The following GCH1 variants were observed in gnomAD, a reference collection of about 807,000 sequenced individuals.
The protein encoded by GCH1 is GTP cyclohydrolase I.
GCH1 carries 5 observed loss-of-function variants against 25.9 expected under a neutral mutation model. The ratio of observed to expected loss-of-function variants is 0.19; its 90% CI spans 0.10 to 0.41. The LOEUF is 0.41. GCH1 is among the 10% of genes least tolerant of loss of function. GCH1 has a pLI of 1.00. For missense variants in GCH1, 261 were observed against 336.5 expected, an observed-to-expected ratio of 0.78 and a Z score of 1.75; for synonymous variants, 159 against 129.6, an observed-to-expected ratio of 1.23 and a Z score of -1.54.
intron 1 of GCH1, among the ~76,000 whole-genome samples, chr14:54,865,648 A>C (rs1419979463): frequency 6.6e-6 from 1 of 152,222 alleles, no homozygotes; most frequent in Non-Finnish European, 1.5e-5. Flanking sequence ...GTGTTACATG[A>C]AAAATGCAGG....
In GCH1 at chr14:54,843,282, A is replaced by C; in HGVS notation, c.*735T>G. The C allele has an allele frequency of 7.3e-7, 1 of 1,375,590 alleles. No individual in the cohort carries two copies. The highest frequency in any genetic ancestry group is 9.3e-7 in the Non-Finnish European group (1 of 1,071,418). The allele number at this position is 1,375,590 out of a possible 1,614,324, so 85.2% of individuals were successfully genotyped here. A position where few individuals can be genotyped will look rare whatever the true frequency, so the allele number is the denominator to read the frequency against. ...AAAAAGGCAAAAGTATCTACACTCT[A>C]AATGATATTCTTATCAAGGCACAGA... On this transcript the variant is annotated 3_prime_UTR_variant, in exon 6 of 6. Coordinates refer to ENST00000491895, the MANE Select transcript of GCH1 (RefSeq NM_000161.3).
intron 1 of GCH1, among the ~76,000 whole-genome samples, chr14:54,886,805 G>A (rs1382861357): frequency 6.6e-6 from 1 of 152,186 alleles, no homozygotes; most frequent in Non-Finnish European, 1.5e-5. Flanking sequence ...TACTAGAAGT[G>A]TGGACTGAAG....
intron 1 of GCH1, among the ~76,000 whole-genome samples, chr14:54,892,995 C>T (rs1261853808): frequency 1.3e-5 from 2 of 152,310 alleles, no homozygotes; most frequent in East Asian, 3.9e-4. Flanking sequence ...AGGGTAATTG[C>T]TTGAACCTGG....
intron 1 of GCH1, among the ~76,000 whole-genome samples, chr14:54,899,173 T>C (rs1373976283): frequency 6.6e-6 from 1 of 152,100 alleles, no homozygotes; most frequent in East Asian, 1.9e-4. Flanking sequence ...ATAATAATCT[T>C]AAATGGGCTG....
At chr14:54,898,819 C>T (rs1216402035) in intron 1 of GCH1, among the ~76,000 whole-genome samples, 2 of 152,170 alleles carry the variant, frequency 1.3e-5, no homozygotes, top group Non-Finnish European at 2.9e-5. Flanking sequence ...GGGGTTTCAA[C>T]ATGTTGGCCA....
At chr14:54,899,552 C>G (rs61977039) in intron 1 of GCH1, among the ~76,000 whole-genome samples, 1 of 152,154 alleles carries the variant, frequency 6.6e-6, no homozygotes, top group Non-Finnish European at 1.5e-5. Flanking sequence ...GTTGCCCAGG[C>G]TGTTCTCCTG....
intron 1 of GCH1, among the ~76,000 whole-genome samples, chr14:54,897,004 CTTTTTGTTT>C (rs1002280711): frequency 3.4e-5 from 4 of 115,948 alleles, no homozygotes; most frequent in Admixed American, 9.5e-5. Flanking sequence ...TTCTACTCCA[CTTTTTGTTT>C]TTTTTTTTTT....
chr14:54,868,454 A>G (rs10137881), intron 1 of GCH1, among the ~76,000 whole-genome samples: 6,339 of 152,148 alleles, frequency 0.042, 495 homozygotes, highest in African/African-American at 0.15. Flanking sequence ...AAAAAAATTA[A>G]GGCATCAAAG....
intron 3 of GCH1, among the ~76,000 whole-genome samples, chr14:54,851,036 A>C (rs947581695): frequency 6.6e-6 from 1 of 152,204 alleles, no homozygotes; most frequent in African/African-American, 2.4e-5. Context: ...CAAAACAGAG[A>C]TATAGACCAA....
At chr14:54,871,745 C>T (rs2040082390) in intron 1 of GCH1, among the ~76,000 whole-genome samples, 1 of 152,064 alleles carries the variant, frequency 6.6e-6, no homozygotes, top group Non-Finnish European at 1.5e-5. Flanking sequence ...GAAAGGGTAT[C>T]AGTGATGGAA....
intron 3 of GCH1, among the ~76,000 whole-genome samples, chr14:54,852,155 A>G (rs1286014635): frequency 6.6e-6 from 1 of 152,210 alleles, no homozygotes; most frequent in Non-Finnish European, 1.5e-5. Flanking sequence ...TGACTTTACT[A>G]AAACACTGAG....
chr14:54,883,332 G>A (rs905354064), intron 1 of GCH1, among the ~76,000 whole-genome samples: 2 of 140,406 alleles, frequency 1.4e-5, no homozygotes, highest in Admixed American at 7.8e-5. Flanking sequence ...AGATTGCGCC[G>A]CTGCGCTCTA....
At chr14:54,868,370 T>C (rs950816066) in intron 1 of GCH1, among the ~76,000 whole-genome samples, 2 of 151,942 alleles carry the variant, frequency 1.3e-5, no homozygotes, top group Non-Finnish European at 1.5e-5. Context: ...TGAGCTATGA[T>C]TGCACCACTC....
intron 1 of GCH1, among the ~76,000 whole-genome samples, chr14:54,866,566 T>C (rs1000461727): frequency 1.3e-5 from 2 of 151,574 alleles, no homozygotes; most frequent in African/African-American, 4.9e-5. Context: ...ATATACATAA[T>C]AGAATTAGAC....
intron 1 of GCH1, among the ~76,000 whole-genome samples, chr14:54,866,517 C>T (rs998277795): frequency 6.6e-6 from 1 of 151,228 alleles, no homozygotes; most frequent in African/African-American, 2.4e-5. Flanking sequence ...TATAATAAGA[C>T]ACGTAGCTGA....
intron 1 of GCH1, among the ~76,000 whole-genome samples, chr14:54,890,029 T>C (rs547828816): frequency 6.6e-6 from 1 of 152,298 alleles, no homozygotes; most frequent in South Asian, 2.1e-4. Flanking sequence ...AAAATCACTT[T>C]GGCATGAATG....
At chr14:54,865,188 T>G (rs767205104) in intron 2 of GCH1, 139 bp downstream of exon 2, 30 of 595,750 alleles carry the variant, frequency 5.0e-5, no homozygotes, top group Middle Eastern at 4.5e-4. Flanking sequence ...GTCAGGTTAA[T>G]AAAGAATAAC....
intron 1 of GCH1, among the ~76,000 whole-genome samples, chr14:54,874,580 A>T (rs1293491512): frequency 6.6e-6 from 1 of 152,240 alleles, no homozygotes; most frequent in Non-Finnish European, 1.5e-5. Context: ...ACATGATTGT[A>T]TATCTAGAAA....
At chr14:54,875,636 A>C (rs2140090932) in intron 1 of GCH1, among the ~76,000 whole-genome samples, 1 of 152,322 alleles carries the variant, frequency 6.6e-6, no homozygotes, top group African/African-American at 2.4e-5. Context: ...AGAAAAAAAC[A>C]AACAACCCCA....
Sources: allele counts gnomAD v4.1 joint callset (sites outside exome capture counted in the v4.1 genomes callset), GRCh38; gene constraint gnomAD v4.1.1; transcripts MANE v1.5; gene names NCBI Gene and HGNC (gene_info 2026-07-23, HGNC 2026-07-21).